Variants in GRID2 observed in about 807,000 individuals in gnomAD.
GRID2 encodes glutamate receptor ionotropic, delta-2.
GRID2 carries 33 observed loss-of-function variants against 114.8 expected under a neutral mutation model. That is an observed-to-expected ratio of 0.29 (90% CI 0.22 to 0.38). The LOEUF (loss-of-function observed/expected upper bound fraction) is 0.38, where lower values mean the gene tolerates loss of function less well. Ranked by LOEUF, GRID2 falls within the 10% of genes least tolerant of loss-of-function variation. The pLI, the probability that GRID2 is intolerant of heterozygous loss-of-function variation, is 1.00. For synonymous variants in GRID2, 505 were observed against 449.9 expected (o/e 1.12, Z -1.55); for missense variants, 1,184 against 1,257.7 (o/e 0.94, Z 0.89).
rs1181427075 is a variant in GRID2 at position 93,061,714 on chromosome 4, C to T, written c.245-23281C>T. On this transcript the variant is annotated intron_variant, in intron 2 of 15. Coordinates refer to ENST00000282020, the MANE Select transcript of GRID2 (RefSeq NM_001510.4). The stretch of plus-strand genomic sequence containing the variant: ...ACAGCAGTCTTCTCTAGAATATTCC[C>T]CATCCTGTCTGGTGCAGCTACCAAA... Among the ~76,000 whole-genome samples the T allele has an allele frequency of 2.6e-5, 4 of 152,174 alleles. No individual in the cohort carries two copies. The East Asian group carries it at 5.8e-4, about 22-fold the overall frequency.
At chr4:93,409,573 A>G (rs553995382) in intron 9 of GRID2, among the ~76,000 whole-genome samples, 2 of 150,438 alleles carry the variant, frequency 1.3e-5, no homozygotes, top group African/African-American at 4.8e-5. Flanking sequence ...GGTATAGTAG[A>G]AAGAGAGAAA....
Position 93,625,776 on chromosome 4 carries a change from G to A in GRID2, c.2194-493G>A, listed in dbSNP as rs562728847. 5.9e-5 allele frequency among the ~76,000 whole-genome samples: 9 copies of A among 152,228 alleles called. No individual in the cohort carries two copies. The South Asian group carries it at 6.2e-4, about 11-fold the overall frequency. The stretch of plus-strand genomic sequence containing the variant: ...TAAAAATACAAAAAATTAGCGGGGC[G>A]CGGTGGTGGGCGCCTGTAGTCCCAG... On this transcript the variant is annotated intron_variant, in intron 13 of 15. Coordinates refer to ENST00000282020, the MANE Select transcript of GRID2 (RefSeq NM_001510.4).
At chr4:93,044,025 T>C (rs1269079470) in intron 2 of GRID2, among the ~76,000 whole-genome samples, 6 of 151,950 alleles carry the variant, frequency 3.9e-5, no homozygotes, top group Admixed American at 2.0e-4. Flanking sequence ...AAAGTGATAG[T>C]ACAACAAGCA....
At chr4:92,386,771 A>G (rs1729980547) in intron 1 of GRID2, among the ~76,000 whole-genome samples, 1 of 151,862 alleles carries the variant, frequency 6.6e-6, no homozygotes, top group Admixed American at 6.6e-5. Flanking sequence ...TTATTGAGTA[A>G]TTTGCAATTA....
intron 1 of GRID2, among the ~76,000 whole-genome samples, chr4:92,474,429 C>T (rs1416764677): frequency 1.3e-5 from 2 of 152,098 alleles, no homozygotes; most frequent in Admixed American, 6.6e-5. Flanking sequence ...CTGATGAACA[C>T]AAGGTTGATT....
intron 12 of GRID2, among the ~76,000 whole-genome samples, chr4:93,510,137 G>A (rs571102361): frequency 6.6e-6 from 1 of 152,160 alleles, no homozygotes; most frequent in East Asian, 1.9e-4. Context: ...TATCAGCCAC[G>A]TTCCATTTTT....
At chr4:92,637,571 A>G (rs992048093) in intron 2 of GRID2, among the ~76,000 whole-genome samples, 1 of 152,180 alleles carries the variant, frequency 6.6e-6, no homozygotes, top group African/African-American at 2.4e-5. Flanking sequence ...TGAATTTCTA[A>G]TAAGACTAAT....
intron 2 of GRID2, among the ~76,000 whole-genome samples, chr4:92,987,600 A>T (rs1221849640): frequency 2.0e-5 from 3 of 152,112 alleles, no homozygotes; most frequent in Admixed American, 2.0e-4. Flanking sequence ...TAATTAAAAA[A>T]AAATAAAAAT....
intron 8 of GRID2, among the ~76,000 whole-genome samples, chr4:93,239,953 T>C (rs1199562366): frequency 6.6e-6 from 1 of 151,674 alleles, no homozygotes; most frequent in Non-Finnish European, 1.5e-5. Flanking sequence ...AGTGTGTTTA[T>C]GTTATTGATC....
chr4:93,235,380 C>A (rs1169295875), intron 7 of GRID2, among the ~76,000 whole-genome samples: 1 of 152,016 alleles, frequency 6.6e-6, no homozygotes, highest in East Asian at 1.9e-4. Context: ...TGCTGCATCA[C>A]CAAGAGATAA....
intron 2 of GRID2, among the ~76,000 whole-genome samples, chr4:93,020,398 A>G (rs1477883938): frequency 1.3e-5 from 2 of 152,200 alleles, no homozygotes; most frequent in Non-Finnish European, 2.9e-5. Context: ...CCTGCTGTTC[A>G]TATACAGTTA....
At chr4:93,205,237 T>A (rs1742577925) in intron 4 of GRID2, among the ~76,000 whole-genome samples, 1 of 152,072 alleles carries the variant, frequency 6.6e-6, no homozygotes, top group Non-Finnish European at 1.5e-5. Context: ...TTTTTTTAGC[T>A]AAAACTGAAA....
chr4:92,914,800 T>A (rs1748657959), intron 2 of GRID2, among the ~76,000 whole-genome samples: 1 of 152,178 alleles, frequency 6.6e-6, no homozygotes, highest in Non-Finnish European at 1.5e-5. Context: ...TGAACTACAT[T>A]TTTTTAAATC....
intron 2 of GRID2, among the ~76,000 whole-genome samples, chr4:92,851,762 G>T (rs971430589): frequency 6.6e-5 from 10 of 151,990 alleles, no homozygotes; most frequent in South Asian, 4.2e-4. Context: ...GGTCATAGGA[G>T]TACATAATAT....
chr4:92,717,165 C>T (rs1406802573), intron 2 of GRID2, among the ~76,000 whole-genome samples: 1 of 152,108 alleles, frequency 6.6e-6, no homozygotes, highest in African/African-American at 2.4e-5. Context: ...CAACCTATCT[C>T]CATTCTTCTT....
intron 2 of GRID2, chr4:92,823,015 A>G (rs761787986): frequency 1.3e-5 from 2 of 152,220 alleles, no homozygotes; most frequent in Non-Finnish European, 2.9e-5. Context: ...CAGCCCTGCC[A>G]CAAAAAAGTA....
intron 9 of GRID2, among the ~76,000 whole-genome samples, chr4:93,401,826 G>T (rs1398761865): frequency 6.6e-6 from 1 of 151,966 alleles, no homozygotes; most frequent in Non-Finnish European, 1.5e-5. Context: ...AGGAAGGATT[G>T]TTTGCCTGGC....
At chr4:92,563,396 G>A (rs1727190435) in intron 1 of GRID2, among the ~76,000 whole-genome samples, 1 of 152,034 alleles carries the variant, frequency 6.6e-6, no homozygotes, top group African/African-American at 2.4e-5. Context: ...ATAAACTAAA[G>A]AAGTGCTGAG....
chr4:92,676,168 C>CG (rs1207727760), intron 2 of GRID2, among the ~76,000 whole-genome samples: 49 of 95,738 alleles, frequency 5.1e-4, no homozygotes, highest in African/African-American at 1.9e-3. Flanking sequence ...CCCCCCCCCC[C>CG]CCTTTTTTTT....
Sources: gnomAD v4.1 joint callset for allele counts (sites outside exome capture counted in the v4.1 genomes callset) on GRCh38, gnomAD v4.1.1 for gene constraint, MANE v1.5 for transcripts, NCBI Gene and HGNC (gene_info 2026-07-23, HGNC 2026-07-21) for gene names.